CSGALNACT1: variants seen among roughly 807,000 people sequenced by gnomAD.
CSGALNACT1 encodes the protein chondroitin sulfate N-acetylgalactosaminyltransferase 1.
CSGALNACT1 carries 52 observed loss-of-function variants against 51.0 expected under a neutral mutation model. The ratio of observed to expected loss-of-function variants is 1.02; its 90% CI spans 0.82 to 1.29. CSGALNACT1 has a LOEUF of 1.29. Ranked by LOEUF, CSGALNACT1 falls within the 50% of genes most tolerant of loss-of-function variation. CSGALNACT1 has a pLI of 0.00. For missense variants in CSGALNACT1, 935 were observed against 679.2 expected (o/e 1.38, Z -4.19); for synonymous variants, 341 against 254.4 (o/e 1.34, Z -3.24).
At chr8:19,462,511 T>A (rs1049501230) in intron 4 of CSGALNACT1, among the ~76,000 whole-genome samples, 1 of 152,206 alleles carries the variant, frequency 6.6e-6, no homozygotes. Context: ...TAAATCTTAT[T>A]CATAACAACT....
At chr8:19,640,881 GT>G (rs143545818) in intron 1 of CSGALNACT1, among the ~76,000 whole-genome samples, 9 of 148,750 alleles carry the variant, frequency 6.1e-5, no homozygotes, top group East Asian at 2.0e-4. Flanking sequence ...AGTTTTGGTT[GT>G]TTTTTTTTTC....
At chr8:19,565,294 G>T (rs2041674954) in intron 3 of CSGALNACT1, among the ~76,000 whole-genome samples, 2 of 152,146 alleles carry the variant, frequency 1.3e-5, no homozygotes, top group African/African-American at 4.8e-5. Context: ...GATTGAGTAA[G>T]TAAAGGTAAA....
At chr8:19,736,302 G>A (rs907780254) in intron 1 of CSGALNACT1, among the ~76,000 whole-genome samples, 5 of 151,972 alleles carry the variant, frequency 3.3e-5, no homozygotes, top group African/African-American at 4.8e-5. Flanking sequence ...TTCCTATGAC[G>A]ACAGACTTGA....
intron 1 of CSGALNACT1, among the ~76,000 whole-genome samples, chr8:19,624,270 G>A (rs1381616994): frequency 1.3e-5 from 2 of 152,060 alleles, no homozygotes; most frequent in Non-Finnish European, 2.9e-5. Context: ...TGCCTCTGAT[G>A]TTTGAGATTA....
intron 3 of CSGALNACT1, among the ~76,000 whole-genome samples, chr8:19,517,578 T>C (rs138628503): frequency 1.3e-5 from 2 of 152,238 alleles, no homozygotes; most frequent in East Asian, 1.9e-4. Context: ...GGGTCATTTA[T>C]AAAGAAAAAG....
At chr8:19,582,646 T>C (rs559886780) in intron 3 of CSGALNACT1, among the ~76,000 whole-genome samples, 3 of 152,256 alleles carry the variant, frequency 2.0e-5, no homozygotes, top group African/African-American at 7.2e-5. Context: ...TGGAAAGACA[T>C]AGAGAGGCAT....
At chr8:19,668,264 A>G (rs2059538410) in intron 1 of CSGALNACT1, among the ~76,000 whole-genome samples, 1 of 152,148 alleles carries the variant, frequency 6.6e-6, no homozygotes, top group Non-Finnish European at 1.5e-5. Context: ...CCTCAGGGAC[A>G]AAGTTTGGGG....
chr8:19,504,124 T>A (rs938915027), intron 4 of CSGALNACT1, among the ~76,000 whole-genome samples: 2 of 152,234 alleles, frequency 1.3e-5, no homozygotes, highest in Non-Finnish European at 2.9e-5. Context: ...TCACCCAGGC[T>A]GGAGTGCAGT....
At chr8:19,490,456 G>C (rs917374236) in intron 4 of CSGALNACT1, among the ~76,000 whole-genome samples, 1 of 152,156 alleles carries the variant, frequency 6.6e-6, no homozygotes, top group Non-Finnish European at 1.5e-5. Context: ...TGGGAGTACT[G>C]GGAAGGGGAA....
At position 19,452,190 on chromosome 8, in the gene CSGALNACT1, C is replaced by A. The variant is rs185519814; in HGVS notation, c.851+6236G>T. On this transcript the variant is annotated intron_variant, in intron 5 of 9. Coordinates refer to ENST00000454498, the Ensembl canonical transcript of CSGALNACT1. ...TGGCTCCTGGCCCCACTGACCGCCTCCAAAAGGGAAGCTCGTTGGCGAGAA... is the reference window on the plus strand; with the variant it reads ...TGGCTCCTGGCCCCACTGACCGCCTACAAAAGGGAAGCTCGTTGGCGAGAA... Among the ~76,000 whole-genome samples the A allele has an allele frequency of 4.0e-4, 61 of 152,218 alleles. No individual in the cohort carries two copies. In the East Asian group the frequency reaches 0.012, roughly 29 times the overall value.
At chr8:19,704,844 G>A (rs914844993) in intron 1 of CSGALNACT1, among the ~76,000 whole-genome samples, 32 of 152,006 alleles carry the variant, frequency 2.1e-4, no homozygotes, top group African/African-American at 7.5e-4. Context: ...ACCTAGACAT[G>A]GAAAGAAAAA....
chr8:19,549,768 T>C (rs1564004624), intron 3 of CSGALNACT1, among the ~76,000 whole-genome samples: 1 of 144,156 alleles, frequency 6.9e-6, no homozygotes, highest in African/African-American at 2.6e-5. Flanking sequence ...TGTCTGAAAA[T>C]ATCCCTATTC....
chr8:19,568,100 G>C (rs967042701), intron 3 of CSGALNACT1, among the ~76,000 whole-genome samples: 3 of 152,124 alleles, frequency 2.0e-5, no homozygotes, highest in Admixed American at 6.5e-5. Flanking sequence ...GCAATGTAGA[G>C]ATATCTTGAT....
In CSGALNACT1 at chr8:19,433,026, TA is replaced by T. The variant is rs558275935; in HGVS notation, c.953+6803del. Reference sequence around the variant, plus strand: ...TAATTTTTGCTAAAAATTGAACATTTAAAAAAATGTATTATGGTAAGCCTAG... The same window carrying T: ...TAATTTTTGCTAAAAATTGAACATTTAAAAAATGTATTATGGTAAGCCTAG... On this transcript the variant is annotated intron_variant, in intron 6 of 9. Transcript: ENST00000454498. Among the ~76,000 whole-genome samples, 289 of 152,276 alleles carry T rather than the reference TA, an allele frequency of 1.9e-3. 1 individual carries two copies. Among genetic ancestry groups the T allele is most frequent in the Non-Finnish European group, 3.5e-3 (239 of 68,020 alleles).
intron 1 of CSGALNACT1, among the ~76,000 whole-genome samples, chr8:19,708,117 G>C (rs1014190829): frequency 6.6e-6 from 1 of 152,240 alleles, no homozygotes; most frequent in Admixed American, 6.5e-5. Context: ...TAAGGAGGGG[G>C]AACTGAGAAC....
At chr8:19,437,246 T>C (rs1319739997) in intron 6 of CSGALNACT1, among the ~76,000 whole-genome samples, 3 of 151,836 alleles carry the variant, frequency 2.0e-5, no homozygotes, top group Non-Finnish European at 4.4e-5. Context: ...GGGTTGAGGT[T>C]TGAATTAACA....
At chr8:19,553,106 C>T (rs1402050988) in intron 3 of CSGALNACT1, among the ~76,000 whole-genome samples, 1 of 152,106 alleles carries the variant, frequency 6.6e-6, no homozygotes, top group Non-Finnish European at 1.5e-5. Flanking sequence ...AGCCTGGCCT[C>T]ACACAAGAAT....
intron 3 of CSGALNACT1, among the ~76,000 whole-genome samples, chr8:19,540,024 GAC>G (rs2084720328): frequency 1.3e-5 from 2 of 152,264 alleles, no homozygotes; most frequent in Admixed American, 1.3e-4. Flanking sequence ...GTTACCCAAA[GAC>G]ACAGAGAGAG....
intron 4 of CSGALNACT1, among the ~76,000 whole-genome samples, chr8:19,462,034 G>A (rs939432715): frequency 2.6e-5 from 4 of 151,264 alleles, no homozygotes; most frequent in Non-Finnish European, 2.9e-5. Flanking sequence ...AGCCACATTC[G>A]CCGTGGAGGG....
Sources: gnomAD v4.1 joint callset for allele counts (sites outside exome capture counted in the v4.1 genomes callset) on GRCh38, gnomAD v4.1.1 for gene constraint, MANE v1.5 for transcripts, NCBI Gene and HGNC (gene_info 2026-07-23, HGNC 2026-07-21) for gene names.